ELAVL4: variants seen among roughly 807,000 people sequenced by gnomAD.
ELAVL4 encodes the protein ELAV like RNA binding protein 4, also known as ELAV-like protein 4.
Under a neutral mutation model 35.6 loss-of-function variants are expected in ELAVL4, and 1 was observed. The ratio of observed to expected loss-of-function variants is 0.03; its 90% CI spans 0.01 to 0.13. The LOEUF (loss-of-function observed/expected upper bound fraction) is 0.13. Among genes scored for constraint, ELAVL4 ranks in the 10% least tolerant of loss-of-function variants. ELAVL4 has a pLI of 1.00. For synonymous variants in ELAVL4, 156 were observed against 171.0 expected, an observed-to-expected ratio of 0.91 and a Z score of 0.69; for missense variants, 267 against 464.9, an observed-to-expected ratio of 0.57 and a Z score of 3.91.
At chr1:50,104,079 T>C (rs1386408675), upstream of ELAVL4, 4 of 1,536,622 alleles carry the variant, frequency 2.6e-6, no homozygotes. Flanking sequence ...GGATTTGCCT[T>C]AGGGTAACAA....
intron 2 of ELAVL4, among the ~76,000 whole-genome samples, chr1:50,154,196 G>C (rs1675317259): frequency 6.6e-6 from 1 of 152,202 alleles, no homozygotes; most frequent in African/African-American, 2.4e-5. Flanking sequence ...TTAATAAGCG[G>C]TGGAGCTGAT....
intron 2 of ELAVL4, among the ~76,000 whole-genome samples, chr1:50,152,689 C>A (rs144549541): frequency 0.012 from 1,815 of 152,246 alleles, 17 homozygotes; most frequent in Middle Eastern, 0.02. Context: ...CCACATCTCC[C>A]TGACTGCTCT....
intron 1 of ELAVL4, among the ~76,000 whole-genome samples, chr1:50,082,336 C>T (rs1665044566): frequency 6.6e-6 from 1 of 152,210 alleles, no homozygotes; most frequent in African/African-American, 2.4e-5. Flanking sequence ...TCCTCTCCAG[C>T]ATCTGTTATT....
chr1:50,048,296 C>T (rs1232593465), intron 1 of ELAVL4: 1 of 1,308,642 alleles, frequency 7.6e-7, no homozygotes, highest in Non-Finnish European at 1.0e-6. Flanking sequence ...GCCTGGCCAC[C>T]CCGACTCCCA....
At chr1:50,142,225 G>T (rs1320429817) in intron 1 of ELAVL4, among the ~76,000 whole-genome samples, 1 of 152,148 alleles carries the variant, frequency 6.6e-6, no homozygotes, top group Non-Finnish European at 1.5e-5. Flanking sequence ...TTGAGACGGA[G>T]TTTCACTCCT....
At chr1:50,061,096 C>A (rs1389447516) in intron 1 of ELAVL4, among the ~76,000 whole-genome samples, 1 of 152,182 alleles carries the variant, frequency 6.6e-6, no homozygotes, top group African/African-American at 2.4e-5. Flanking sequence ...GTCAAGTTCA[C>A]CAGCATGGAT....
At chr1:50,165,868 C>A (rs1677808227) in intron 2 of ELAVL4, among the ~76,000 whole-genome samples, 1 of 151,288 alleles carries the variant, frequency 6.6e-6, no homozygotes, top group African/African-American at 2.4e-5. Flanking sequence ...TAAGTATTAA[C>A]ATACACAATC....
intron 2 of ELAVL4, among the ~76,000 whole-genome samples, chr1:50,158,002 T>G (rs982433502): frequency 3.3e-5 from 5 of 152,202 alleles, no homozygotes; most frequent in African/African-American, 1.2e-4. Flanking sequence ...GTCTAGTGAT[T>G]AAGAGCTAGA....
intron 1 of ELAVL4, among the ~76,000 whole-genome samples, chr1:50,062,064 T>A (rs746273375): frequency 5.9e-5 from 9 of 152,156 alleles, no homozygotes; most frequent in African/African-American, 1.9e-4. Flanking sequence ...TTCTTCATCA[T>A]GTTTTTAACC....
intron 1 of ELAVL4, among the ~76,000 whole-genome samples, chr1:50,054,082 G>GTAC (rs1228265652): frequency 6.6e-6 from 1 of 152,164 alleles, no homozygotes; most frequent in Non-Finnish European, 1.5e-5. Context: ...GAGCAAGGAG[G>GTAC]AAAACTATTG....
chr1:50,118,377 A>C (rs553677642), intron 1 of ELAVL4, among the ~76,000 whole-genome samples: 2 of 152,206 alleles, frequency 1.3e-5, no homozygotes, highest in African/African-American at 4.8e-5. Flanking sequence ...TTGGCAAGGC[A>C]GCATGATGGA....
chr1:50,062,731 T>C (rs1280515633), intron 1 of ELAVL4, among the ~76,000 whole-genome samples: 1 of 152,208 alleles, frequency 6.6e-6, no homozygotes, highest in Non-Finnish European at 1.5e-5. Flanking sequence ...TGAGAGTATC[T>C]CACCTTATTT....
At chr1:50,158,480 C>T (rs1360808165) in intron 2 of ELAVL4, among the ~76,000 whole-genome samples, 1 of 152,150 alleles carries the variant, frequency 6.6e-6, no homozygotes, top group Non-Finnish European at 1.5e-5. Flanking sequence ...ACTATCCATA[C>T]AGCCACACAC....
chr1:50,055,279 TTTTTTGTTTTG>T, intron 1 of ELAVL4, among the ~76,000 whole-genome samples: 1 of 150,790 alleles, frequency 6.6e-6, no homozygotes, highest in East Asian at 1.9e-4. Flanking sequence ...GTTTTGTTTT[TTTTTTGTTTTG>T]TTTTTGTTTT....
intron 2 of ELAVL4, among the ~76,000 whole-genome samples, chr1:50,171,981 C>T (rs1163863548): frequency 3.3e-5 from 5 of 152,212 alleles, no homozygotes; most frequent in African/African-American, 1.2e-4. Flanking sequence ...ATAAAAATTC[C>T]TTACTCAACT....
chr1:50,191,650 A>T (rs996729449), intron 3 of ELAVL4, among the ~76,000 whole-genome samples: 2 of 152,304 alleles, frequency 1.3e-5, no homozygotes, highest in East Asian at 3.9e-4. Flanking sequence ...AAACGGGTTA[A>T]GTACCATGGT....
At chr1:50,079,529 A>C (rs533417259) in intron 1 of ELAVL4, among the ~76,000 whole-genome samples, 1 of 152,318 alleles carries the variant, frequency 6.6e-6, no homozygotes, top group Non-Finnish European at 1.5e-5. Context: ...GGATGTGGAC[A>C]CCTCAAGAAG....
intron 2 of ELAVL4, among the ~76,000 whole-genome samples, chr1:50,146,675 A>G (rs913303971): frequency 6.6e-6 from 1 of 152,174 alleles, no homozygotes; most frequent in African/African-American, 2.4e-5. Flanking sequence ...CAGAAAGCCA[A>G]TATTTAGATT....
At chr1:50,184,847 C>T (rs1232633607) in intron 3 of ELAVL4, among the ~76,000 whole-genome samples, 1 of 152,116 alleles carries the variant, frequency 6.6e-6, no homozygotes, top group Non-Finnish European at 1.5e-5. Flanking sequence ...CTAAAGGTCC[C>T]TTCTAGCTCT....
Sources: gnomAD v4.1 joint callset for allele counts (sites outside exome capture counted in the v4.1 genomes callset) on GRCh38, gnomAD v4.1.1 for gene constraint, MANE v1.5 for transcripts, NCBI Gene and HGNC (gene_info 2026-07-23, HGNC 2026-07-21) for gene names.